Variants in AGRN observed in about 807,000 individuals in gnomAD.
AGRN encodes the protein agrin.
AGRN carries 106 observed loss-of-function variants against 211.0 expected under a neutral mutation model. The ratio of observed to expected loss-of-function variants is 0.50; its 90% CI spans 0.43 to 0.59. The LOEUF (loss-of-function observed/expected upper bound fraction) is 0.59, where lower values mean the gene tolerates loss of function less well. AGRN is among the 20% of genes least tolerant of loss of function. The pLI is 0.00. For synonymous variants in AGRN, 1,525 were observed against 1,332.5 expected, an observed-to-expected ratio of 1.14 and a Z score of -3.15; for missense variants, 3,040 against 2,982.6, an observed-to-expected ratio of 1.02 and a Z score of -0.45.
intron 2 of AGRN, chr1:1,035,032 G>A (rs974951343): frequency 1.7e-6 from 1 of 601,960 alleles, no homozygotes; most frequent in Non-Finnish European, 2.9e-6. Flanking sequence ...TGTGGCTGGG[G>A]CCCCATCTGA....
chr1:1,055,187 A>G lies in AGRN; in HGVS notation c.*206A>G, dbSNP rs973231691. The G allele has an allele frequency of 3.8e-6, 3 of 785,220 alleles. No individual in the cohort carries two copies. Among genetic ancestry groups the G allele is most frequent in the Non-Finnish European group, 6.2e-6 (3 of 486,830 alleles). The allele number at this position is 785,220 out of a possible 1,614,324, so 48.6% of individuals were successfully genotyped here. On this transcript the variant is annotated 3_prime_UTR_variant, in exon 36 of 36. Coordinates refer to ENST00000379370, the MANE Select transcript of AGRN (RefSeq NM_198576.4). ...GCGTGGAGGGCTCGGCGTGGATGGCAGCCTCAGGACACACACCCCTGCCTC... is the reference window on the plus strand; with the variant it reads ...GCGTGGAGGGCTCGGCGTGGATGGCGGCCTCAGGACACACACCCCTGCCTC...
In AGRN at chr1:1,051,872, C is replaced by T; in HGVS notation, c.5651+57C>T. The T allele has an allele frequency of 2.5e-6, 4 of 1,603,052 alleles. No homozygotes were observed. In the South Asian group the frequency reaches 4.5e-5, roughly 18 times the overall value. ...CCATCTGTGCCCTCGGGGCGGGACACCGGACCCCCACACCAGGAGGGCCCA... is the reference window on the plus strand; with the variant it reads ...CCATCTGTGCCCTCGGGGCGGGACATCGGACCCCCACACCAGGAGGGCCCA... On this transcript the variant is annotated intron_variant, in intron 33 of 35. Transcript: ENST00000379370.
chr1:1,022,325 C>G lies in AGRN; in HGVS notation c.326C>G (p.Thr109Ser). 6.2e-7 allele frequency: 1 copy of G among 1,613,418 alleles called. No individual in the cohort carries two copies. Among genetic ancestry groups the G allele is most frequent in the Non-Finnish European group, 8.5e-7 (1 of 1,180,018 alleles). Residue 109 changes from threonine to serine, a missense_variant, in exon 2 of 36, where the codon ACT (threonine) becomes AGT (serine). Thr to Ser is a moderately conservative substitution (Grantham distance 58). Transcript: ENST00000379370. ...DPLICDNQVSTGDTRIFFVNP... is the reference protein window; with the variant it reads ...DPLICDNQVSSGDTRIFFVNP... ...CTCATCTGTGACAACCAGGTGTCCA[C>G]TGGGGACACCAGGATCTTCTTTGTG...
rs754800212 is a variant in AGRN at position 1,049,424 on chromosome 1, G to A, written c.4487G>A (p.Gly1496Asp). ...GLNLDTDLFV[G>D]GVPEDQAAVA... The stretch of plus-strand genomic sequence containing the variant: ...AACCTGGACACAGACCTCTTTGTGG[G>A]CGGCGTACCCGAGGACCAGGCTGCC... Residue 1496 changes from glycine to aspartate, a missense_variant, in exon 25 of 36, where the codon GGC (glycine) becomes GAC (aspartate). Transcript: ENST00000379370. 1 of 1,599,252 alleles carries A rather than the reference G, an allele frequency of 6.3e-7. No individual in the cohort carries two copies. Among genetic ancestry groups the A allele is most frequent in the Admixed American group, 1.7e-5 (1 of 60,012 alleles).
chr1:1,046,799 G>A, intron 18 of AGRN, 21 bp from the exon 19 acceptor site: 1 of 1,575,786 alleles, frequency 6.3e-7, no homozygotes, highest in Non-Finnish European at 8.6e-7. Context: ...CAGAGCCTGG[G>A]CTCAGAGCGC....
At chr1:1,047,190 T>TC (rs1319002338) in intron 19 of AGRN, 137 bp from the exon 20 acceptor site, 1 of 1,429,698 alleles carries the variant, frequency 7.0e-7, no homozygotes, top group Admixed American at 2.5e-5. Flanking sequence ...CACCCTGGGG[T>TC]CCCCACTAAC....
rs1163560335 is a variant in AGRN at position 1,035,174 on chromosome 1, G to A, written c.464-103G>A. 1.6e-3 allele frequency: 2,013 copies of A among 1,249,218 alleles called. 13 individuals carry two copies. The highest frequency in any genetic ancestry group is 6.0e-3 in the Middle Eastern group (23 of 3,816). The allele number at this position is 1,249,218 out of a possible 1,614,324, so 77.4% of individuals were successfully genotyped here. On this transcript the variant is annotated intron_variant, in intron 2 of 35. Coordinates refer to ENST00000379370, the MANE Select transcript of AGRN (RefSeq NM_198576.4). ...TGGATCCCTGGGGCTAGCGGTGGGG[G>A]GGGGGGGGTGGGCAGGGGTGCCCCT...
At position 1,052,073 on chromosome 1, in the gene AGRN, G is replaced by T. The variant is rs562936623; in HGVS notation, c.5651+258G>T. 5.4e-6 allele frequency: 8 copies of T among 1,468,034 alleles called. No individual in the cohort carries two copies. In the East Asian group the frequency reaches 2.1e-4, roughly 38 times the overall value. 90.9% of individuals were successfully genotyped at this position (1,468,034 alleles called of 1,614,324 possible). A position where few individuals can be genotyped will look rare whatever the true frequency, so the allele number is the denominator to read the frequency against. ...TCACTCCCACTCCTCCATCCTTCCT[G>T]GTGGGGAGCAGAGTCCGGAGCCCCC... is the stretch of plus-strand genomic sequence containing the variant. On this transcript the variant is annotated intron_variant, in intron 33 of 35. Coordinates refer to ENST00000379370, the MANE Select transcript of AGRN (RefSeq NM_198576.4).
At chr1:1,028,657 G>GGGCCT in intron 2 of AGRN, among the ~76,000 whole-genome samples, 2 of 82,768 alleles carry the variant, frequency 2.4e-5, no homozygotes, top group Non-Finnish European at 5.2e-5. Flanking sequence ...GCCCCTCGTG[G>GGGCCT]GCCAAGGGCG....
chr1:1,022,554 C>G (rs563821616), intron 2 of AGRN, 92 bp downstream of exon 2: 126 of 1,086,266 alleles, frequency 1.2e-4, no homozygotes, highest in Non-Finnish European at 1.5e-4. Flanking sequence ...GGGGTCCTTT[C>G]GTGCTGTGCC....
intron 7 of AGRN, among the ~76,000 whole-genome samples, 198 bp downstream of exon 7, chr1:1,042,360 C>T (rs985838245): frequency 6.6e-6 from 1 of 152,164 alleles, no homozygotes; most frequent in Non-Finnish European, 1.5e-5. Flanking sequence ...GAGGCAGAGG[C>T]GGGGCCTTGT....
rs1356136866 is a variant in AGRN, at chr1:1,041,204, C to T, written c.759C>T (p.Cys253=). The T allele has an allele frequency of 1.4e-6, 2 of 1,467,328 alleles. No homozygotes were observed. Among genetic ancestry groups the T allele is most frequent in the Non-Finnish European group, 1.8e-6 (2 of 1,115,258 alleles). 90.9% of individuals were successfully genotyped at this position (1,467,328 alleles called of 1,614,324 possible). A position where few individuals can be genotyped will look rare whatever the true frequency, so the allele number is the denominator to read the frequency against. ...GSRDPCSNVT[C]SFGSTCARSA... is the part of the protein sequence containing the mutation. ...GGGACCCCTGCTCCAACGTGACCTG[C>T]AGCTTCGGCAGCACCTGTGCGCGCT... Residue 253 remains cysteine, a synonymous_variant, in exon 5 of 36, where the codon TGC becomes TGT. Coordinates refer to ENST00000379370, the MANE Select transcript of AGRN (RefSeq NM_198576.4).
chr1:1,044,077 C>T (rs764791831), intron 10 of AGRN, 32 bp from the exon 11 acceptor site: 5 of 1,612,862 alleles, frequency 3.1e-6, no homozygotes, highest in Non-Finnish European at 4.2e-6. Context: ...GGACAAGAAG[C>T]CCCTGGGTGA....
Position 1,043,265 on chromosome 1 carries a change from G to T in AGRN, c.1411G>T (p.Val471Leu). 1.2e-6 allele frequency: 2 copies of T among 1,610,680 alleles called. No individual in the cohort carries two copies. The highest frequency in any genetic ancestry group is 1.7e-6 in the Non-Finnish European group (2 of 1,179,150). ...CCAGGCCCCGTCCCCATGCCTCGGGGTGCAGTGTGCATTTGGGGCGACGTG... is the reference window on the plus strand; with the variant it reads ...CCAGGCCCCGTCCCCATGCCTCGGGTTGCAGTGTGCATTTGGGGCGACGTG... Reference protein sequence around the residue: ...CDQAPSPCLGVQCAFGATCAV... With the variant: ...CDQAPSPCLGLQCAFGATCAV... The change falls in exon 8 of 36, where the codon GTG becomes TTG. Residue 471 changes from valine (V) to leucine (L), a missense_variant. Val to Leu is a conservative substitution (Grantham distance 32). Coordinates refer to ENST00000379370, the MANE Select transcript of AGRN (RefSeq NM_198576.4).
chr1:1,044,284 C>T (rs760005820), intron 11 of AGRN, 27 bp downstream of exon 11: 12 of 1,612,234 alleles, frequency 7.4e-6, no homozygotes, highest in Admixed American at 1.7e-5. Flanking sequence ...TGGCTCTCGG[C>T]GGGCGGCGGG....
At position 1,051,273 on chromosome 1, in the gene AGRN, C is replaced by T. The variant is rs776201093; in HGVS notation, c.5274C>T (p.Asn1758=). 4.9e-5 allele frequency: 78 copies of T among 1,579,244 alleles called. No homozygotes were observed. The highest frequency in any genetic ancestry group is 6.4e-5 in the Non-Finnish European group (75 of 1,163,644). ...GESPVPHTVL[N]LKEPLYVGGA... ...CGCAGGTTCCGCACACCGTCCTCAA[C>T]CTGAAGGAGCCGCTCTACGTAGGGG... Residue 1758 remains asparagine, a synonymous_variant, in exon 31 of 36, where the codon AAC becomes AAT. Transcript: ENST00000379370.
rs975156049 is a variant in AGRN at position 1,020,850 on chromosome 1, G to GGGC, written c.201+479_201+480insCGG. Among the ~76,000 whole-genome samples the GGGC allele has an allele frequency of 1.1e-4, 17 of 150,446 alleles. 2 individuals carry two copies. The East Asian group carries it at 1.2e-3, about 10-fold the overall frequency. ...GGTGGGGGGTGCCGCAGTGGTGCGG[G>GGGC]GGGGGGGCGTGCAGGAGCAGAGAGG... On this transcript the variant is annotated intron_variant, in intron 1 of 35. Coordinates refer to ENST00000379370, the MANE Select transcript of AGRN (RefSeq NM_198576.4).
rs769748027 is a variant in AGRN, at chr1:1,049,705, C to T, written c.4654C>T (p.Pro1552Ser). ...GSGVGECGDHPCLPNPCHGGA... is the reference protein window; with the variant it reads ...GSGVGECGDHSCLPNPCHGGA... ...TGGCGTGGGCGAGTGCGGGGACCAC[C>T]CCTGCCTGCCCAACCCCTGCCATGG... The change falls in exon 26 of 36, where the codon CCC becomes TCC. Residue 1552 changes from proline to serine, a missense_variant. Pro to Ser is a moderately conservative substitution (Grantham distance 74). Around this residue, in one of 3 missense-constraint regions of AGRN, gnomAD observed 1,537 missense variants for 1,505.0 expected, o/e 1.02. Transcript: ENST00000379370. The T allele has an allele frequency of 1.6e-5, 26 of 1,577,874 alleles. No individual in the cohort carries two copies. The highest frequency in any genetic ancestry group is 4.0e-5 in the African/African-American group (3 of 74,368).
chr1:1,044,475 G>C, intron 12 of AGRN, 36 bp downstream of exon 12: 1 of 1,572,956 alleles, frequency 6.4e-7, no homozygotes, highest in Non-Finnish European at 8.6e-7. Context: ...AGGCACAGGC[G>C]GGGCGGCGTC....
Sources: gnomAD v4.1 joint callset for allele counts (sites outside exome capture counted in the v4.1 genomes callset) on GRCh38, gnomAD v4.1.1 for gene constraint, gnomAD v4.1.1 regional missense constraint, MANE v1.5 for transcripts, NCBI Gene and HGNC (gene_info 2026-07-23, HGNC 2026-07-21) for gene names.